The following TRIT1 variants were observed in gnomAD, a reference collection of about 807,000 sequenced individuals.
TRIT1 encodes the protein tRNA isopentenyltransferase 1.
In TRIT1, 43 loss-of-function variants were observed where a neutral mutation model predicts 51.2. The ratio of observed to expected loss-of-function variants is 0.84; its 90% CI spans 0.66 to 1.08. The LOEUF (loss-of-function observed/expected upper bound fraction) is 1.08. TRIT1 is among the 50% of genes least tolerant of loss of function. The probability of loss-of-function intolerance (pLI) is 0.00; values close to 1 mark genes in which losing one functional copy is unlikely to be tolerated. For missense variants in TRIT1, 528 were observed against 578.4 expected, an observed-to-expected ratio of 0.91 and a Z score of 0.89; for synonymous variants, 184 against 203.9, an observed-to-expected ratio of 0.90 and a Z score of 0.83.
intron 1 of TRIT1, chr1:39,863,026 C>A (rs1174718650): frequency 2.5e-6 from 2 of 810,840 alleles, no homozygotes; most frequent in African/African-American, 3.7e-5. Flanking sequence ...CTTTGTAAGG[C>A]CTGATGACTG....
chr1:39,873,089 A>G (rs1397756563), intron 1 of TRIT1, among the ~76,000 whole-genome samples: 2 of 152,178 alleles, frequency 1.3e-5, no homozygotes, highest in South Asian at 2.1e-4. Flanking sequence ...TTCTCCTTCT[A>G]TTCAGTGTGG....
At chr1:39,849,838 C>T (rs576991312) in intron 5 of TRIT1, among the ~76,000 whole-genome samples, 19 of 152,328 alleles carry the variant, frequency 1.2e-4, no homozygotes, top group African/African-American at 4.3e-4. Flanking sequence ...TTGGACCTTC[C>T]CTGGATGGCA....
At chr1:39,853,079 T>C (rs554092249) in intron 3 of TRIT1, among the ~76,000 whole-genome samples, 6 of 152,134 alleles carry the variant, frequency 3.9e-5, no homozygotes, top group South Asian at 2.1e-4. Context: ...ACTTACAGCA[T>C]AGGGAAACAC....
chr1:39,881,623 A>G (rs909630912), intron 1 of TRIT1: 4 of 152,082 alleles, frequency 2.6e-5, no homozygotes, highest in Admixed American at 6.6e-5. Flanking sequence ...AGGGAGTTCC[A>G]TCTGTAACTG....
chr1:39,848,583 T>C (rs1642372008), intron 5 of TRIT1, among the ~76,000 whole-genome samples: 1 of 150,836 alleles, frequency 6.6e-6, no homozygotes, highest in African/African-American at 2.4e-5. Context: ...CCCAGCACTT[T>C]GGGAGGCCGA....
intron 10 of TRIT1, 75 bp downstream of exon 10, chr1:39,844,026 C>T (rs1642073663): frequency 9.6e-7 from 1 of 1,046,204 alleles, no homozygotes; most frequent in African/African-American, 1.6e-5. Context: ...TTCAATCTGC[C>T]AAAGACTCTA....
intron 2 of TRIT1, among the ~76,000 whole-genome samples, chr1:39,856,419 G>A (rs955761189): frequency 4.0e-5 from 6 of 150,200 alleles, no homozygotes; most frequent in African/African-American, 1.5e-4. Flanking sequence ...AGGAGGTCAA[G>A]GTGGCAATGA....
chr1:39,867,449 C>G (rs1439642428), intron 1 of TRIT1, among the ~76,000 whole-genome samples: 1 of 152,020 alleles, frequency 6.6e-6, no homozygotes, highest in Non-Finnish European at 1.5e-5. Flanking sequence ...CTGGCCAAGG[C>G]CATAGTTTTC....
chr1:39,841,501 A>G lies in TRIT1; in HGVS notation c.*243T>C. 2 of 366,008 alleles carry G rather than the reference A, an allele frequency of 5.5e-6. No individual in the cohort carries two copies. The highest frequency in any genetic ancestry group is 4.4e-5 in the Admixed American group (1 of 22,492). The allele number at this position is 366,008 out of a possible 1,614,324, so 22.7% of individuals were successfully genotyped here. On this transcript the variant is annotated 3_prime_UTR_variant, in exon 11 of 11. Coordinates refer to ENST00000316891, the MANE Select transcript of TRIT1 (RefSeq NM_017646.6). ...GAACCTTTAAGGTTCAAAGAAAAAA[A>G]AAATGCTTTCCTGAACTACATCATT...
chr1:39,845,064 A>G (rs1642148335), intron 8 of TRIT1, among the ~76,000 whole-genome samples: 1 of 152,246 alleles, frequency 6.6e-6, no homozygotes, highest in Non-Finnish European at 1.5e-5. Flanking sequence ...AGGAGCAGAT[A>G]CTAGTCTCGG....
intron 3 of TRIT1, among the ~76,000 whole-genome samples, 187 bp downstream of exon 3, chr1:39,853,783 T>A (rs1288544222): frequency 1.3e-5 from 2 of 152,156 alleles, no homozygotes; most frequent in Non-Finnish European, 2.9e-5. Context: ...CAGAGCCCCT[T>A]CCCATAGACC....
intron 1 of TRIT1, among the ~76,000 whole-genome samples, chr1:39,877,404 T>A (rs531027354): frequency 6.6e-6 from 1 of 151,666 alleles, no homozygotes; most frequent in Admixed American, 6.6e-5. Flanking sequence ...TTCTGCTTGC[T>A]TACTAGTCAG....
chr1:39,866,028 AAAGAAAAG>A (rs1218864905), intron 1 of TRIT1, among the ~76,000 whole-genome samples: 1 of 102,542 alleles, frequency 9.8e-6, no homozygotes, highest in Non-Finnish European at 2.8e-5. Context: ...AAAAGAAAGA[AAAGAAAAG>A]AAAAGAAAAA....
chr1:39,866,694 AG>A (rs1402171204), intron 1 of TRIT1, among the ~76,000 whole-genome samples: 1 of 152,216 alleles, frequency 6.6e-6, no homozygotes, highest in African/African-American at 2.4e-5. Context: ...GGAGAAGGCC[AG>A]GCACAGTGGC....
At chr1:39,879,096 C>T (rs1318097889) in intron 1 of TRIT1, among the ~76,000 whole-genome samples, 1 of 152,002 alleles carries the variant, frequency 6.6e-6, no homozygotes, top group Non-Finnish European at 1.5e-5. Context: ...AGTGAAACCC[C>T]GTCTCTATTA....
At chr1:39,852,626 C>T in intron 4 of TRIT1, 105 bp downstream of exon 4, 1 of 1,396,142 alleles carries the variant, frequency 7.2e-7, no homozygotes. Context: ...CATCAATCTC[C>T]ACTAACTGCT....
Position 39,852,718 on chromosome 1 carries a change from C to A in TRIT1, c.560+13G>T, listed in dbSNP as rs773058465. The A allele has an allele frequency of 1.2e-6, 2 of 1,612,200 alleles. No homozygotes were observed. Among genetic ancestry groups the A allele is most frequent in the East Asian group, 4.5e-5 (2 of 44,838 alleles). ...GTAAAGGAATTTGGGGTCAGCGCGC[C>A]AGGCTTTCTTACCTGGCCACTTTGC... On this transcript the variant is annotated intron_variant, in intron 4 of 10. Transcript: ENST00000316891.
chr1:39,847,337 C>T (rs1326902524), intron 7 of TRIT1, 40 bp from the exon 8 acceptor site: 6 of 1,569,304 alleles, frequency 3.8e-6, no homozygotes, highest in Non-Finnish European at 8.8e-7. Context: ...TAGGTAAGCA[C>T]TCCTTACCCT....
intron 1 of TRIT1, among the ~76,000 whole-genome samples, chr1:39,877,925 G>A (rs1181498653): frequency 6.6e-6 from 1 of 152,160 alleles, no homozygotes; most frequent in African/African-American, 2.4e-5. Flanking sequence ...ACTACTGAAT[G>A]AGAATATTTT....
Sources: allele counts gnomAD v4.1 joint callset (sites outside exome capture counted in the v4.1 genomes callset), GRCh38; gene constraint gnomAD v4.1.1; transcripts MANE v1.5; gene names NCBI Gene and HGNC (gene_info 2026-07-23, HGNC 2026-07-21).